The following ANKH variants were observed in gnomAD, a reference collection of about 807,000 sequenced individuals.
ANKH encodes mineralization regulator ANKH.
A neutral mutation model predicts 49.0 loss-of-function variants in ANKH; 15 were observed. The observed-to-expected ratio is 0.31, with a 90% CI of 0.20 to 0.47. The LOEUF is 0.47. Among genes scored for constraint, ANKH ranks in the 20% least tolerant of loss-of-function variants. The pLI, the probability that ANKH is intolerant of heterozygous loss-of-function variation, is 1.00. For missense variants in ANKH, 429 were observed against 652.0 expected (o/e 0.66, Z 3.72); for synonymous variants, 273 against 260.0 (o/e 1.05, Z -0.48).
intron 8 of ANKH, among the ~76,000 whole-genome samples, chr5:14,724,846 CG>C (rs1405958909): frequency 2.6e-5 from 4 of 152,228 alleles, no homozygotes; most frequent in African/African-American, 7.2e-5. Context: ...GCCAAGTGCT[CG>C]GGTCTTATTT....
intron 1 of ANKH, chr5:14,798,070 C>G: frequency 6.3e-7 from 1 of 1,585,456 alleles, no homozygotes; most frequent in East Asian, 2.2e-5. Context: ...TTTCCACTAA[C>G]TGAACCAAAA....
rs767026934 is a variant in ANKH, at chr5:14,769,195, G to T, written c.97-4C>A. 1 of 1,610,414 alleles carries T rather than the reference G, an allele frequency of 6.2e-7. No homozygotes were observed. ...CAGCAATGCCCCGGTTCAAGGCCTG[G>T]GAAGGGGGAAAAAAACCCACAAGCA... On this transcript the variant is annotated splice_region_variant and splice_polypyrimidine_tract_variant and intron_variant, in intron 1 of 11. Coordinates refer to ENST00000284268, the MANE Select transcript of ANKH (RefSeq NM_054027.6).
chr5:14,850,139 C>T (rs969577805), intron 1 of ANKH, among the ~76,000 whole-genome samples: 3 of 152,292 alleles, frequency 2.0e-5, no homozygotes, highest in East Asian at 1.9e-4. Context: ...ACTGGCTTGA[C>T]GAGGAACCCG....
chr5:14,770,996 C>T lies in ANKH; in HGVS notation c.97-1805G>A, dbSNP rs903282825. ...TGAAAGAAGAAATGAAAGAAATGCA[C>T]TTTTCCTGTCTATTTCCTATTTCTA... On this transcript the variant is annotated intron_variant, in intron 1 of 11. Transcript: ENST00000284268. The surrounding 1 kb of genome is among the most constrained non-coding windows in gnomAD (Gnocchi z 4.1). Among the ~76,000 whole-genome samples the T allele has an allele frequency of 6.6e-6, 1 of 152,196 alleles. No individual in the cohort carries two copies. The highest frequency in any genetic ancestry group is 1.5e-5 in the Non-Finnish European group (1 of 68,030).
intron 1 of ANKH, among the ~76,000 whole-genome samples, chr5:14,855,886 T>G (rs1281421143): frequency 6.7e-6 from 1 of 148,684 alleles, no homozygotes; most frequent in Admixed American, 6.7e-5. Flanking sequence ...ACACATGCTG[T>G]AAAATCTAAG....
At position 14,837,694 on chromosome 5, in the gene ANKH, A is replaced by T. The variant is rs866047256; in HGVS notation, c.96+33658T>A. Among the ~76,000 whole-genome samples, 15 of 152,238 alleles carry T rather than the reference A, an allele frequency of 9.9e-5. 1 individual carries two copies. Among genetic ancestry groups the T allele is most frequent in the South Asian group, 4.1e-4 (2 of 4,836 alleles). ...GTTGGTGGGACTGTAAACTAGTTCAACCATTGTGGAAGACAGTGTGGCGAT... is the reference window on the plus strand; with the variant it reads ...GTTGGTGGGACTGTAAACTAGTTCATCCATTGTGGAAGACAGTGTGGCGAT... On this transcript the variant is annotated intron_variant, in intron 1 of 11. Transcript: ENST00000284268.
intron 1 of ANKH, among the ~76,000 whole-genome samples, chr5:14,783,331 C>CACACACACACACA (rs1330744427): frequency 7.0e-6 from 1 of 142,444 alleles, no homozygotes; most frequent in Non-Finnish European, 1.6e-5. Context: ...CACACACACA[C>CACACACACACACA]CACACATGGA....
chr5:14,786,853 C>T (rs958414310), intron 1 of ANKH, among the ~76,000 whole-genome samples: 2 of 152,192 alleles, frequency 1.3e-5, no homozygotes, highest in Non-Finnish European at 2.9e-5. Flanking sequence ...TACATAATGA[C>T]ATGTACAAAT....
chr5:14,706,896 GTCTA>G lies in ANKH; in HGVS notation c.*4297_*4300del, dbSNP rs1736962700. 6.6e-6 allele frequency: 1 copy of G among 152,252 alleles called. No homozygotes were observed. The highest frequency in any genetic ancestry group is 1.5e-5 in the Non-Finnish European group (1 of 68,050). The allele number at this position is 152,252 out of a possible 1,614,324, so 9.4% of individuals were successfully genotyped here. A position where few individuals can be genotyped will look rare whatever the true frequency, so the allele number is the denominator to read the frequency against. ...TCAGAGGACTGTGTGTGAGGGCGAT[GTCTA>G]CAGAATGCAGGCAGGAGCTGCTGGC... On this transcript the variant is annotated 3_prime_UTR_variant, in exon 12 of 12. Transcript: ENST00000284268.
intron 1 of ANKH, among the ~76,000 whole-genome samples, chr5:14,829,321 T>C (rs1275975127): frequency 6.6e-6 from 1 of 152,134 alleles, no homozygotes; most frequent in Non-Finnish European, 1.5e-5. Flanking sequence ...GAAATACTTA[T>C]TTTGCTGTAC....
rs554647696 is a variant in ANKH, at chr5:14,778,318, T to C, written c.97-9127A>G. On this transcript the variant is annotated intron_variant, in intron 1 of 11. Transcript: ENST00000284268. ...TCATCTTAGAGTTCCAAATGGAGAA[T>C]TGATCCCTTCTAGCCCCTTAGATTT... 3.3e-5 allele frequency among the ~76,000 whole-genome samples: 5 copies of C among 152,328 alleles called. No homozygotes were observed. In the East Asian group the frequency reaches 9.6e-4, roughly 29 times the overall value.
At chr5:14,771,943 A>C (rs28446763) in intron 1 of ANKH, among the ~76,000 whole-genome samples, 71 of 148,222 alleles carry the variant, frequency 4.8e-4, no homozygotes, top group African/African-American at 8.5e-4. Flanking sequence ...AAAAAAAAAA[A>C]AAAACCAAAA....
At chr5:14,834,650 A>G (rs1227763730) in intron 1 of ANKH, among the ~76,000 whole-genome samples, 2 of 152,060 alleles carry the variant, frequency 1.3e-5, no homozygotes, top group Non-Finnish European at 2.9e-5. Flanking sequence ...GTGTGGTGGT[A>G]CACACCTGTA....
intron 1 of ANKH, among the ~76,000 whole-genome samples, chr5:14,795,287 CAATTGTG>C (rs1441396824): frequency 1.3e-5 from 2 of 152,066 alleles, no homozygotes; most frequent in Admixed American, 6.5e-5. Flanking sequence ...TGGTAAAATC[CAATTGTG>C]ACCTACTAAA....
At position 14,795,510 on chromosome 5, in the gene ANKH, AACCTTC is replaced by A. The variant is rs1163264967; in HGVS notation, c.97-26325_97-26320del. ...GAAAAAATTCTGGACTCCTTCAGCAAACCTTCACCCTTTTCAAATGAGAACTATATA... is the reference window on the plus strand; with the variant it reads ...GAAAAAATTCTGGACTCCTTCAGCAAACCCTTTTCAAATGAGAACTATATA... On this transcript the variant is annotated intron_variant, in intron 1 of 11. Coordinates refer to ENST00000284268, the MANE Select transcript of ANKH (RefSeq NM_054027.6). 1.2e-4 allele frequency among the ~76,000 whole-genome samples: 19 copies of A among 152,320 alleles called. No homozygotes were observed. The East Asian group carries it at 1.4e-3, about 11-fold the overall frequency.
chr5:14,737,482 T>G lies in ANKH; in HGVS notation c.1011+4345A>C, dbSNP rs780146502. On this transcript the variant is annotated intron_variant, in intron 8 of 11. Transcript: ENST00000284268. This position sits in a 1 kb window ranked among gnomAD's most constrained non-coding sequence, Gnocchi z 5.0. The stretch of plus-strand genomic sequence containing the variant: ...AGTGTCTACCTAGAGAAGCACAGCC[T>G]TTTAGGGCACACTCACTGTCACTGT... Among the ~76,000 whole-genome samples the G allele has an allele frequency of 1.4e-4, 21 of 152,140 alleles. No individual in the cohort carries two copies. Among genetic ancestry groups the G allele is most frequent in the Non-Finnish European group, 2.2e-4 (15 of 68,012 alleles).
In ANKH at chr5:14,712,484, G is replaced by T. The variant is rs1000784929; in HGVS notation, c.1365+390C>A. On this transcript the variant is annotated intron_variant, in intron 11 of 11. Transcript: ENST00000284268. ...GCTGCCCGAGCTCCTGTCTTGGACT[G>T]CCCAGTCCTTGTGTGCACAGCCACA... Among the ~76,000 whole-genome samples the T allele has an allele frequency of 3.3e-5, 5 of 152,240 alleles. No individual in the cohort carries two copies. The East Asian group carries it at 7.7e-4, about 23-fold the overall frequency.
intron 1 of ANKH, among the ~76,000 whole-genome samples, chr5:14,816,483 C>T (rs1424834229): frequency 6.6e-6 from 1 of 152,006 alleles, no homozygotes; most frequent in Non-Finnish European, 1.5e-5. Context: ...CAGGACCCAG[C>T]ATGAGAGGAA....
At chr5:14,781,415 T>C (rs1739801733) in intron 1 of ANKH, among the ~76,000 whole-genome samples, 1 of 152,208 alleles carries the variant, frequency 6.6e-6, no homozygotes, top group Non-Finnish European at 1.5e-5. Flanking sequence ...ACAACAGTGG[T>C]GTTTTCAGTC....
Sources: gnomAD v4.1 joint callset for allele counts (sites outside exome capture counted in the v4.1 genomes callset) on GRCh38, gnomAD v4.1.1 for gene constraint, Gnocchi (gnomAD v3.1) non-coding constraint, MANE v1.5 for transcripts, NCBI Gene and HGNC (gene_info 2026-07-23, HGNC 2026-07-21) for gene names.